AMN1: variants seen among roughly 807,000 people sequenced by gnomAD.
The protein encoded by AMN1 is protein AMN1 homolog.
A neutral mutation model predicts 33.0 loss-of-function variants in AMN1; 20 were observed. The ratio of observed to expected loss-of-function variants is 0.61; its 90% confidence interval spans 0.43 to 0.88. The LOEUF (loss-of-function observed/expected upper bound fraction) is 0.88. AMN1 is among the 40% of genes least tolerant of loss of function. The pLI is 0.00. For synonymous variants in AMN1, 114 were observed against 111.9 expected, an observed-to-expected ratio of 1.02 and a Z score of -0.12; for missense variants, 246 against 307.4, an observed-to-expected ratio of 0.80 and a Z score of 1.49.
Position 31,671,358 on chromosome 12 carries a change from A to G in AMN1, c.*946T>C, listed in dbSNP as rs1325615536. 3 of 152,190 alleles carry G rather than the reference A, an allele frequency of 2.0e-5. No individual in the cohort carries two copies. Among genetic ancestry groups the G allele is most frequent in the Non-Finnish European group, 2.9e-5 (2 of 68,034 alleles). The allele number at this position is 152,190 out of a possible 1,614,324, so 9.4% of individuals were successfully genotyped here. On this transcript the variant is annotated 3_prime_UTR_variant, in exon 7 of 7. Coordinates refer to ENST00000281471, the MANE Select transcript of AMN1 (RefSeq NM_001113402.2). ...CCCCAACATATACAAGAAAGTTAGC[A>G]TACTTACCCCGTTTTTCACTACATC...
At chr12:31,703,610 T>G (rs981020309) in intron 2 of AMN1, among the ~76,000 whole-genome samples, 7 of 152,228 alleles carry the variant, frequency 4.6e-5, no homozygotes, top group Non-Finnish European at 1.0e-4. Flanking sequence ...GCATCCATGT[T>G]GCTGTAAAGG....
At chr12:31,685,572 G>A (rs1472366114) in intron 6 of AMN1, among the ~76,000 whole-genome samples, 1 of 151,960 alleles carries the variant, frequency 6.6e-6, no homozygotes, top group Non-Finnish European at 1.5e-5. Context: ...AGGCCAAGGC[G>A]GGCAGATCAC....
At chr12:31,728,909 G>A (rs1940192947) in intron 1 of AMN1, 62 bp downstream of exon 1, 1 of 1,518,612 alleles carries the variant, frequency 6.6e-7, no homozygotes, top group Non-Finnish European at 8.9e-7. Flanking sequence ...GCAGCGCAGG[G>A]CCTGGCCGTT....
intron 6 of AMN1, among the ~76,000 whole-genome samples, chr12:31,676,151 T>C (rs1261388962): frequency 1.3e-5 from 2 of 151,758 alleles, no homozygotes; most frequent in Admixed American, 6.6e-5. Context: ...GAAAAACTTA[T>C]ACTCTGAAAA....
chr12:31,684,097 C>T (rs60971872), intron 6 of AMN1, among the ~76,000 whole-genome samples: 2,746 of 152,118 alleles, frequency 0.018, 75 homozygotes, highest in African/African-American at 0.063. Flanking sequence ...CAATATTTTC[C>T]GAACTGCCAA....
chr12:31,672,738 C>G (rs1951308380), intron 6 of AMN1: 1 of 186,230 alleles, frequency 5.4e-6, no homozygotes, highest in African/African-American at 2.4e-5. Context: ...AGATGATTCA[C>G]TAAAGTGGGG....
intron 6 of AMN1, among the ~76,000 whole-genome samples, chr12:31,680,923 A>C (rs1374134529): frequency 6.6e-6 from 1 of 152,194 alleles, no homozygotes; most frequent in Non-Finnish European, 1.5e-5. Context: ...AAAAACCCCC[A>C]CAAACACAAC....
chr12:31,701,617 T>A (rs559172088), intron 3 of AMN1, among the ~76,000 whole-genome samples: 1 of 152,336 alleles, frequency 6.6e-6, no homozygotes, highest in East Asian at 1.9e-4. Context: ...GGCCCATGTT[T>A]ATTTTACATA....
intron 1 of AMN1, among the ~76,000 whole-genome samples, chr12:31,712,012 G>A (rs1210135760): frequency 2.0e-5 from 3 of 151,952 alleles, no homozygotes; most frequent in South Asian, 4.2e-4. Flanking sequence ...TTCCATCCAT[G>A]TTGCTGCATA....
At chr12:31,698,348 T>C (rs11836998) in intron 3 of AMN1, among the ~76,000 whole-genome samples, 8,167 of 152,270 alleles carry the variant, frequency 0.054, 476 homozygotes, top group East Asian at 0.18. Flanking sequence ...AAACCAAAAG[T>C]TAAACTGCCC....
At chr12:31,727,881 A>T (rs1376865127) in intron 1 of AMN1, among the ~76,000 whole-genome samples, 1 of 152,034 alleles carries the variant, frequency 6.6e-6, no homozygotes, top group African/African-American at 2.4e-5. Context: ...TACCGGCGCC[A>T]CTACTACTCC....
intron 1 of AMN1, among the ~76,000 whole-genome samples, chr12:31,710,787 C>T (rs1939436505): frequency 6.6e-6 from 1 of 152,188 alleles, no homozygotes; most frequent in Non-Finnish European, 1.5e-5. Flanking sequence ...ACAAGCATTA[C>T]CACTATTTCT....
At chr12:31,708,333 A>T (rs1939331294) in intron 2 of AMN1, among the ~76,000 whole-genome samples, 1 of 152,088 alleles carries the variant, frequency 6.6e-6, no homozygotes, top group Admixed American at 6.6e-5. Context: ...TGTCTGTCCT[A>T]TGCGGTTGAG....
At chr12:31,707,411 T>C (rs765889547) in intron 2 of AMN1, among the ~76,000 whole-genome samples, 3 of 152,214 alleles carry the variant, frequency 2.0e-5, no homozygotes, top group Non-Finnish European at 4.4e-5. Context: ...CACCATTTTG[T>C]TCCTGAATGT....
At chr12:31,695,182 T>TAA (rs1938668364) in intron 5 of AMN1, among the ~76,000 whole-genome samples, 2 of 152,204 alleles carry the variant, frequency 1.3e-5, no homozygotes, top group African/African-American at 4.8e-5. Context: ...TTTATAATGT[T>TAA]GAGGTAAATA....
chr12:31,721,675 A>T (rs965156900), intron 1 of AMN1, among the ~76,000 whole-genome samples: 1 of 152,168 alleles, frequency 6.6e-6, no homozygotes, highest in Non-Finnish European at 1.5e-5. Flanking sequence ...TGGTCAAGGC[A>T]TATTATATTT....
intron 1 of AMN1, among the ~76,000 whole-genome samples, chr12:31,710,629 G>A (rs1002215060): frequency 6.6e-5 from 10 of 150,820 alleles, no homozygotes; most frequent in African/African-American, 2.4e-4. Flanking sequence ...TTCCTAAAAC[G>A]GCACCACAGT....
chr12:31,684,559 C>T (rs1394939584), intron 6 of AMN1, among the ~76,000 whole-genome samples: 1 of 151,788 alleles, frequency 6.6e-6, no homozygotes, highest in Non-Finnish European at 1.5e-5. Context: ...CAAGCTCGGC[C>T]TCCCAAGTTC....
chr12:31,711,870 TC>T (rs981631622), intron 1 of AMN1, among the ~76,000 whole-genome samples: 3 of 152,170 alleles, frequency 2.0e-5, no homozygotes, highest in African/African-American at 7.2e-5. Flanking sequence ...CCCCTGCCCT[TC>T]CCAGCCTCTG....
Sources: gnomAD v4.1 joint callset for allele counts (sites outside exome capture counted in the v4.1 genomes callset) on GRCh38, gnomAD v4.1.1 for gene constraint, MANE v1.5 for transcripts, NCBI Gene and HGNC (gene_info 2026-07-23, HGNC 2026-07-21) for gene names.